FGD4: variants seen among roughly 807,000 people sequenced by gnomAD.
The protein encoded by FGD4 is FYVE, RhoGEF and PH domain-containing protein 4.
In FGD4, 42 loss-of-function variants were observed where a neutral mutation model predicts 102.0. The observed-to-expected ratio is 0.41, with a 90% CI of 0.32 to 0.53. The LOEUF is 0.53. Among genes scored for constraint, FGD4 ranks in the 20% least tolerant of loss-of-function variants. The pLI is 0.21. For synonymous variants in FGD4, 380 were observed against 375.7 expected, an observed-to-expected ratio of 1.01 and a Z score of -0.13; for missense variants, 902 against 1,078.2, an observed-to-expected ratio of 0.84 and a Z score of 2.29.
At chr12:32,629,466 G>T (rs1461480240) in intron 14 of FGD4, among the ~76,000 whole-genome samples, 2 of 152,164 alleles carry the variant, frequency 1.3e-5, no homozygotes, top group African/African-American at 4.8e-5. Flanking sequence ...TGTGAGGAAG[G>T]TTCTATTTTC....
chr12:32,543,325 C>A (rs144587375), intron 1 of FGD4, among the ~76,000 whole-genome samples: 200 of 152,274 alleles, frequency 1.3e-3, no homozygotes, highest in African/African-American at 4.4e-3. Flanking sequence ...GATGTATTCA[C>A]CAACTTGGAA....
At chr12:32,592,152 G>A (rs1592328510) in intron 4 of FGD4, among the ~76,000 whole-genome samples, 1 of 151,428 alleles carries the variant, frequency 6.6e-6, no homozygotes. Flanking sequence ...GTGTGATCTC[G>A]GCTCACTGTA....
At chr12:32,444,942 C>T (rs1942568717) in intron 1 of FGD4, among the ~76,000 whole-genome samples, 1 of 152,084 alleles carries the variant, frequency 6.6e-6, no homozygotes, top group African/African-American at 2.4e-5. Flanking sequence ...ATATGTTTGA[C>T]TTATTAGAAT....
rs1951115680 is a variant in FGD4, at chr12:32,640,616, C to T, written c.*83C>T. On this transcript the variant is annotated 3_prime_UTR_variant, in exon 17 of 17. Coordinates refer to ENST00000534526, the MANE Select transcript of FGD4 (RefSeq NM_001370298.3). ...CCAGCTCTTCTTACACATCTGCTAG[C>T]ACTTTATGTTGAAAAATATAGGCCC... 6.3e-7 allele frequency: 1 copy of T among 1,591,440 alleles called. No homozygotes were observed. Among genetic ancestry groups the T allele is most frequent in the African/African-American group, 1.3e-5 (1 of 74,560 alleles).
At chr12:32,534,136 A>G (rs557093905) in intron 1 of FGD4, 83 of 202,474 alleles carry the variant, frequency 4.1e-4, no homozygotes, top group African/African-American at 1.9e-3. Flanking sequence ...TCCCAGCTGT[A>G]CTTTGAATGC....
At chr12:32,488,473 G>T (rs1029823390) in intron 1 of FGD4, among the ~76,000 whole-genome samples, 1 of 151,828 alleles carries the variant, frequency 6.6e-6, no homozygotes, top group South Asian at 2.1e-4. Context: ...AAAACTTGTG[G>T]GATTTTTTTT....
rs1949570592 is a variant in FGD4 at position 32,618,399 on chromosome 12, G to A, written c.1750-1299G>A. Among the ~76,000 whole-genome samples the A allele has an allele frequency of 3.3e-5, 5 of 151,966 alleles. No homozygotes were observed. The South Asian group carries it at 1.0e-3, about 32-fold the overall frequency. On this transcript the variant is annotated intron_variant, in intron 10 of 16. Coordinates refer to ENST00000534526, the MANE Select transcript of FGD4 (RefSeq NM_001370298.3). ...AGTGTTAACAGGAAAAACTTAGCAA[G>A]CAAGCTGTGGCCTTAATCAGACGAT...
rs997372532 is a variant in FGD4 at position 32,621,133 on chromosome 12, G to A, written c.1922+1263G>A. Among the ~76,000 whole-genome samples, 6 of 151,996 alleles carry A rather than the reference G, an allele frequency of 3.9e-5. No individual in the cohort carries two copies. The East Asian group carries it at 9.8e-4, about 25-fold the overall frequency. ...CTCACACCTGTAATCCCAACACTTT[G>A]GGAGGCTGAGGTAGGAGGATCACTT... is the stretch of plus-strand genomic sequence containing the variant. On this transcript the variant is annotated intron_variant, in intron 11 of 16. Transcript: ENST00000534526.
At chr12:32,600,096 G>A (rs1948271256) in intron 5 of FGD4, among the ~76,000 whole-genome samples, 1 of 152,192 alleles carries the variant, frequency 6.6e-6, no homozygotes, top group African/African-American at 2.4e-5. Context: ...TAAGGCCTAT[G>A]CTCTTTGAAA....
chr12:32,438,458 T>G (rs1449996388), intron 1 of FGD4, among the ~76,000 whole-genome samples: 2 of 152,146 alleles, frequency 1.3e-5, no homozygotes, highest in Admixed American at 6.5e-5. Context: ...AAGCTTGCTT[T>G]TAGGTTTCAA....
intron 2 of FGD4, among the ~76,000 whole-genome samples, chr12:32,575,945 T>G (rs1201990207): frequency 1.3e-5 from 2 of 152,218 alleles, no homozygotes; most frequent in African/African-American, 4.8e-5. Context: ...CCTGTTGAGA[T>G]GAATAACTGC....
At chr12:32,616,665 A>G (rs950123840) in intron 10 of FGD4, among the ~76,000 whole-genome samples, 2 of 152,208 alleles carry the variant, frequency 1.3e-5, no homozygotes, top group African/African-American at 4.8e-5. Flanking sequence ...TGTTTCCTAC[A>G]CTTGAGATAA....
At chr12:32,540,715 G>A (rs1237606637) in intron 1 of FGD4, among the ~76,000 whole-genome samples, 1 of 151,954 alleles carries the variant, frequency 6.6e-6, no homozygotes, top group Non-Finnish European at 1.5e-5. Context: ...ACAGGCATGT[G>A]CCACCACCCC....
intron 1 of FGD4, among the ~76,000 whole-genome samples, chr12:32,432,295 C>T (rs1354501643): frequency 2.0e-5 from 3 of 151,380 alleles, no homozygotes; most frequent in Non-Finnish European, 4.4e-5. Context: ...CTCCTGACCT[C>T]GTGATCCGCC....
At chr12:32,626,765 G>A (rs1950196751) in intron 14 of FGD4, among the ~76,000 whole-genome samples, 1 of 152,218 alleles carries the variant, frequency 6.6e-6, no homozygotes, top group Non-Finnish European at 1.5e-5. Flanking sequence ...GTGTATAAAT[G>A]TGGGTAAGTT....
intron 2 of FGD4, among the ~76,000 whole-genome samples, chr12:32,564,911 A>G (rs1435773201): frequency 6.6e-6 from 1 of 152,220 alleles, no homozygotes; most frequent in Admixed American, 6.5e-5. Context: ...TGAGAAGCAC[A>G]GAATTATAGT....
intron 13 of FGD4, among the ~76,000 whole-genome samples, 198 bp downstream of exon 13, chr12:32,625,266 A>C (rs79011908): frequency 4.2e-5 from 5 of 118,644 alleles, no homozygotes; most frequent in African/African-American, 1.7e-4. Flanking sequence ...AATTTTTCTT[A>C]TTCTTTTTTT....
At chr12:32,605,374 G>A (rs1948715016) in intron 7 of FGD4, among the ~76,000 whole-genome samples, 1 of 151,348 alleles carries the variant, frequency 6.6e-6, no homozygotes, top group African/African-American at 2.4e-5. Context: ...CTACCTTACT[G>A]AATATTGGGC....
Position 32,611,221 on chromosome 12 carries a change from GA to G in FGD4, c.1689del (p.Gly564AspfsTer6), listed in dbSNP as rs767968709. 6.2e-7 allele frequency: 1 copy of G among 1,614,174 alleles called. No individual in the cohort carries two copies. The highest frequency in any genetic ancestry group is 8.5e-7 in the Non-Finnish European group (1 of 1,180,030). On this transcript the variant is annotated frameshift_variant, in exon 10 of 17. Transcript: ENST00000534526. LOFTEE classifies it high-confidence loss of function. ...IVNPSNELIK[E>X]GQILKLAARN... The stretch of plus-strand genomic sequence containing the variant: ...AAACCCTTCAAATGAACTAATAAAA[GA>G]AGGACAGATCCTCAAACTAGCTGCT...
Sources: gnomAD v4.1 joint callset for allele counts (sites outside exome capture counted in the v4.1 genomes callset) on GRCh38, gnomAD v4.1.1 for gene constraint, MANE v1.5 for transcripts, NCBI Gene and HGNC (gene_info 2026-07-23, HGNC 2026-07-21) for gene names.